The following CR1L variants were observed in gnomAD, a reference collection of about 807,000 sequenced individuals.
CR1L encodes the protein complement component receptor 1-like protein.
CR1L carries 59 observed loss-of-function variants against 62.3 expected under a neutral mutation model. The ratio of observed to expected loss-of-function variants is 0.95; its 90% CI spans 0.77 to 1.18. CR1L has a LOEUF of 1.18. Ranked by LOEUF, CR1L falls within the 50% of genes most tolerant of loss-of-function variation. The pLI, the probability that CR1L is intolerant of heterozygous loss-of-function variation, is 0.00. For missense variants in CR1L, 700 were observed against 702.8 expected, an observed-to-expected ratio of 1.00 and a Z score of 0.04; for synonymous variants, 279 against 248.7, an observed-to-expected ratio of 1.12 and a Z score of -1.15.
At chr1:207,684,228 G>C (rs1571518746) in intron 4 of CR1L, among the ~76,000 whole-genome samples, 1 of 152,138 alleles carries the variant, frequency 6.6e-6, no homozygotes, top group Non-Finnish European at 1.5e-5. Context: ...AAATTATGTT[G>C]GTTCTACCAC....
At chr1:207,716,418 C>T (rs1571538492) in intron 10 of CR1L, among the ~76,000 whole-genome samples, 1 of 152,104 alleles carries the variant, frequency 6.6e-6, no homozygotes, top group South Asian at 2.1e-4. Context: ...AATTCAGAAA[C>T]TCAGATAAAA....
intron 9 of CR1L, among the ~76,000 whole-genome samples, chr1:207,703,859 C>G (rs968591099): frequency 2.0e-5 from 3 of 151,926 alleles, no homozygotes; most frequent in African/African-American, 7.3e-5. Context: ...GAGGCTGAGG[C>G]AGGAGAATCA....
chr1:207,694,615 T>C lies in CR1L; in HGVS notation c.726T>C (p.Ser242=). 1 of 1,611,926 alleles carries C rather than the reference T, an allele frequency of 6.2e-7. No homozygotes were observed. The highest frequency in any genetic ancestry group is 8.5e-7 in the Non-Finnish European group (1 of 1,179,736). Reference sequence around the variant, plus strand: ...ATGTGGAAAATGGAATATTGGTATCTGACAACAGAAGCTTATTTTCCTTAA... The same window carrying C: ...ATGTGGAAAATGGAATATTGGTATCCGACAACAGAAGCTTATTTTCCTTAA... The part of the protein sequence containing the change: ...PPNVENGILV[S]DNRSLFSLNE... The change falls in exon 5 of 12, where the codon TCT becomes TCC. Residue 242 remains serine, a synonymous_variant. Coordinates refer to ENST00000508064, the MANE Select transcript of CR1L (RefSeq NM_175710.2).
At chr1:207,661,265 T>A (rs1269162924) in intron 1 of CR1L, among the ~76,000 whole-genome samples, 5 of 152,272 alleles carry the variant, frequency 3.3e-5, no homozygotes, top group African/African-American at 9.6e-5. Flanking sequence ...CCCATTATTA[T>A]TGTGTGGGAG....
intron 4 of CR1L, among the ~76,000 whole-genome samples, chr1:207,688,439 G>C (rs562753564): frequency 6.6e-6 from 1 of 151,236 alleles, no homozygotes; most frequent in East Asian, 1.9e-4. Flanking sequence ...TACTATAATG[G>C]CAAAAAAAAC....
intron 10 of CR1L, chr1:207,710,332 G>A: frequency 8.9e-7 from 1 of 1,118,458 alleles, no homozygotes; most frequent in Non-Finnish European, 1.3e-6. Flanking sequence ...GACAGAGCAA[G>A]ACTCTGTCCC....
chr1:207,717,841 G>A, intron 11 of CR1L, 150 bp downstream of exon 11: 3 of 980,180 alleles, frequency 3.1e-6, no homozygotes, highest in Non-Finnish European at 4.5e-6. Flanking sequence ...ATGACAAATG[G>A]GTTCTAGATA....
rs190628101 is a variant in CR1L, at chr1:207,680,354, C to T, written c.377+2057C>T. On this transcript the variant is annotated intron_variant, in intron 3 of 11. Transcript: ENST00000508064. The stretch of plus-strand genomic sequence containing the variant: ...GTGCATAAACAGACACGCACACAGT[C>T]GAGTACAGGTAAAACAGGAAATTTG... Among the ~76,000 whole-genome samples, 35 of 152,204 alleles carry T rather than the reference C, an allele frequency of 2.3e-4. No individual in the cohort carries two copies. In the East Asian group the frequency reaches 5.8e-3, roughly 25 times the overall value.
chr1:207,661,324 G>A (rs555467854), intron 1 of CR1L, among the ~76,000 whole-genome samples: 4 of 152,270 alleles, frequency 2.6e-5, no homozygotes, highest in African/African-American at 7.2e-5. Context: ...GAATCTGGGT[G>A]CTCCTGTATT....
At chr1:207,692,285 A>G (rs1664009531) in intron 4 of CR1L, among the ~76,000 whole-genome samples, 2 of 152,226 alleles carry the variant, frequency 1.3e-5, no homozygotes, top group African/African-American at 4.8e-5. Flanking sequence ...ATCTATTTAT[A>G]TTTACACCGT....
In CR1L at chr1:207,652,825, AT is replaced by A. The variant is rs200341738; in HGVS notation, c.97+7504del. On this transcript the variant is annotated intron_variant, in intron 1 of 11. Transcript: ENST00000508064. ...TACATATTCCACTATGGAGATGATG[AT>A]TTTTTTTTCTTGTGAAATGAGGTTT... 2.9e-3 allele frequency: 1,447 copies of A among 505,960 alleles called. 16 individuals are homozygous for A. The highest frequency in any genetic ancestry group is 0.023 in the East Asian group (665 of 28,796). 31.3% of individuals were successfully genotyped at this position (505,960 alleles called of 1,614,324 possible).
intron 3 of CR1L, 143 bp downstream of exon 3, chr1:207,678,440 GAC>G: frequency 1.4e-6 from 1 of 690,082 alleles, no homozygotes; most frequent in Non-Finnish European, 2.4e-6. Context: ...CTTAGCTCCT[GAC>G]TGAAATGGAC....
intron 1 of CR1L, among the ~76,000 whole-genome samples, chr1:207,675,786 ACT>A (rs1184283269): frequency 2.6e-5 from 4 of 152,246 alleles, no homozygotes; most frequent in African/African-American, 9.6e-5. Flanking sequence ...ATACTGTTTG[ACT>A]CTGTGATTTT....
chr1:207,662,552 T>C (rs1558012356), intron 1 of CR1L, among the ~76,000 whole-genome samples: 1 of 152,100 alleles, frequency 6.6e-6, no homozygotes. Flanking sequence ...ATTCATCTAA[T>C]TTTTTTTCAA....
intron 1 of CR1L, chr1:207,659,001 A>G (rs1269919304): frequency 6.6e-6 from 1 of 152,370 alleles, no homozygotes; most frequent in Non-Finnish European, 1.5e-5. Flanking sequence ...GCTGACCCGC[A>G]TGATGGGATG....
chr1:207,683,032 TTCCTTCCTTCCC>T (rs1481870047), intron 3 of CR1L, among the ~76,000 whole-genome samples: 1 of 146,186 alleles, frequency 6.8e-6, no homozygotes, highest in Non-Finnish European at 1.5e-5. Context: ...CTTTCCTTCC[TTCCTTCCTTCCC>T]TCCTTCCTTC....
intron 9 of CR1L, among the ~76,000 whole-genome samples, chr1:207,706,396 G>T (rs1024412544): frequency 6.6e-6 from 1 of 151,808 alleles, no homozygotes; most frequent in African/African-American, 2.4e-5. Context: ...ACTCCAGCCT[G>T]GATGACAGAA....
At chr1:207,652,824 GA>G in intron 1 of CR1L, 1 of 516,784 alleles carries the variant, frequency 1.9e-6, no homozygotes. Flanking sequence ...TGGAGATGAT[GA>G]TTTTTTTTTC....
At position 207,650,808 on chromosome 1, in the gene CR1L, CAG is replaced by C. The variant is rs1244104500; in HGVS notation, c.97+5481_97+5482del. ...TGTAGATTTTTTTTTTTTTTTGAGA[CAG>C]AGTCTCGCTCTGCTGCCCAGGCTGG... On this transcript the variant is annotated intron_variant, in intron 1 of 11. Coordinates refer to ENST00000508064, the MANE Select transcript of CR1L (RefSeq NM_175710.2). Among the ~76,000 whole-genome samples, 1,006 of 138,554 alleles carry C rather than the reference CAG, an allele frequency of 7.3e-3. 8 individuals are homozygous for C. The highest frequency in any genetic ancestry group is 0.026 in the African/African-American group (946 of 37,088). The allele number at this position is 138,554 out of a possible 152,430, so 90.9% of individuals were successfully genotyped here.
Sources: allele counts gnomAD v4.1 joint callset (sites outside exome capture counted in the v4.1 genomes callset), GRCh38; gene constraint gnomAD v4.1.1; transcripts MANE v1.5; gene names NCBI Gene and HGNC (gene_info 2026-07-23, HGNC 2026-07-21).